The following ABCC12 variants were observed in gnomAD, a reference collection of about 807,000 sequenced individuals.
The protein encoded by ABCC12 is ATP-binding cassette sub-family C member 12.
ABCC12 carries 142 observed loss-of-function variants against 151.1 expected under a neutral mutation model. The ratio of observed to expected loss-of-function variants is 0.94; its 90% CI spans 0.82 to 1.08. ABCC12 has a LOEUF of 1.08. ABCC12 is among the 50% of genes least tolerant of loss of function. The pLI is 0.00. For synonymous variants in ABCC12, 645 were observed against 646.4 expected (o/e 1.00, Z 0.03); for missense variants, 1,638 against 1,691.1 (o/e 0.97, Z 0.55).
At chr16:48,111,183 A>C (rs1224196313) in intron 18 of ABCC12, among the ~76,000 whole-genome samples, 2 of 152,206 alleles carry the variant, frequency 1.3e-5, no homozygotes, top group Non-Finnish European at 2.9e-5. Flanking sequence ...GGTTGGTACT[A>C]CTTCCTCATT....
chr16:48,138,160 G>GT (rs2150668325), intron 8 of ABCC12, 68 bp downstream of exon 8: 1 of 1,483,296 alleles, frequency 6.7e-7, no homozygotes, highest in African/African-American at 1.4e-5. Flanking sequence ...CCTGGGAACC[G>GT]TAAGAACCCC....
At chr16:48,143,320 T>A (rs1414036709) in intron 4 of ABCC12, among the ~76,000 whole-genome samples, 1 of 152,124 alleles carries the variant, frequency 6.6e-6, no homozygotes, top group Admixed American at 6.5e-5. Context: ...CAATGAGTCC[T>A]CTCTCCCCGC....
chr16:48,152,274 T>C (rs565376509), intron 2 of ABCC12, among the ~76,000 whole-genome samples: 1 of 152,306 alleles, frequency 6.6e-6, no homozygotes, highest in East Asian at 1.9e-4. Flanking sequence ...AGTTTAAAAA[T>C]TGGCCTCTCA....
At chr16:48,132,144 T>C (rs1964447858) in intron 9 of ABCC12, among the ~76,000 whole-genome samples, 1 of 152,218 alleles carries the variant, frequency 6.6e-6, no homozygotes, top group African/African-American at 2.4e-5. Flanking sequence ...GCTTGATATG[T>C]TGCTGGAGGA....
At chr16:48,103,808 C>T (rs931935141) in intron 22 of ABCC12, among the ~76,000 whole-genome samples, 3 of 152,214 alleles carry the variant, frequency 2.0e-5, no homozygotes, top group Non-Finnish European at 4.4e-5. Flanking sequence ...TCTCTAAACA[C>T]ACCCATGGTT....
At chr16:48,122,311 T>C (rs1357202219) in intron 12 of ABCC12, among the ~76,000 whole-genome samples, 1 of 152,240 alleles carries the variant, frequency 6.6e-6, no homozygotes, top group East Asian at 1.9e-4. Flanking sequence ...CTTGACTCAG[T>C]TGCATCTTTG....
At chr16:48,135,930 A>C (rs1052764691) in intron 8 of ABCC12, among the ~76,000 whole-genome samples, 1 of 152,088 alleles carries the variant, frequency 6.6e-6, no homozygotes, top group Non-Finnish European at 1.5e-5. Flanking sequence ...TTTCATATCC[A>C]CACAGGACAG....
chr16:48,129,736 G>T (rs1964359915), intron 10 of ABCC12, among the ~76,000 whole-genome samples: 1 of 152,230 alleles, frequency 6.6e-6, no homozygotes, highest in South Asian at 2.1e-4. Context: ...GCGCTAATCA[G>T]ATGAGAGATA....
Position 48,144,047 on chromosome 16 carries a change from C to T in ABCC12, c.138G>A (p.Val46=), listed in dbSNP as rs2150678246. 1 of 1,613,956 alleles carries T rather than the reference C, an allele frequency of 6.2e-7. No homozygotes were observed. The highest frequency in any genetic ancestry group is 1.7e-4 in the Middle Eastern group (1 of 6,054). The part of the protein sequence containing the change: ...RPCARLAPNP[V]DDAGLLSFAT... ...CGAAGGAGAGTAGCCCGGCATCATC[C>T]ACCGGGTTGGGTGCTAACCTGCAGA... The change falls in exon 4 of 31, where the codon GTG becomes GTA. Residue 46 remains valine, a synonymous_variant. Transcript: ENST00000311303.
chr16:48,139,794 A>C (rs74018257), intron 6 of ABCC12, among the ~76,000 whole-genome samples: 5,021 of 152,302 alleles, frequency 0.033, 263 homozygotes, highest in African/African-American at 0.12. Flanking sequence ...TTTGTGATGA[A>C]TTCTTAAAGG....
chr16:48,093,253 C>T (rs1163929795), intron 24 of ABCC12, among the ~76,000 whole-genome samples: 1 of 152,148 alleles, frequency 6.6e-6, no homozygotes, highest in Non-Finnish European at 1.5e-5. Flanking sequence ...AATACCCCGC[C>T]CCTGGCTTAC....
At chr16:48,146,764 C>T (rs1288966797) in intron 2 of ABCC12, 1 of 240,286 alleles carries the variant, frequency 4.2e-6, no homozygotes, top group Non-Finnish European at 8.1e-6. Context: ...GGTCCAATGA[C>T]CAAGGCTGAG....
At chr16:48,094,718 C>T (rs1963031600) in intron 24 of ABCC12, among the ~76,000 whole-genome samples, 1 of 152,112 alleles carries the variant, frequency 6.6e-6, no homozygotes, top group Non-Finnish European at 1.5e-5. Context: ...CTGAATAGTC[C>T]CCTGCATAAA....
intron 11 of ABCC12, among the ~76,000 whole-genome samples, chr16:48,126,887 AT>A (rs1294975747): frequency 6.6e-6 from 1 of 152,224 alleles, no homozygotes. Flanking sequence ...GGAATAGCAC[AT>A]TAGCAAAGCC....
At chr16:48,148,051 A>C (rs1396242008) in intron 2 of ABCC12, among the ~76,000 whole-genome samples, 3 of 152,076 alleles carry the variant, frequency 2.0e-5, no homozygotes, top group African/African-American at 7.2e-5. Context: ...GGGTTCAAGC[A>C]ATTATCCAGC....
chr16:48,128,561 T>C lies in ABCC12; in HGVS notation c.1413A>G (p.Ala471=), dbSNP rs147939852. Residue 471 remains alanine (A), a synonymous_variant, in exon 11 of 31, where the codon GCA becomes GCG. Coordinates refer to ENST00000311303, the MANE Select transcript of ABCC12 (RefSeq NM_001393797.1). The part of the protein sequence containing the change: ...RHLCKKQRSE[A]YSERSPPAKG... ...TGGCTGGTGGACTCCTCTCACTGTA[T>C]GCCTCTGACCTCTGTTTCTTGCATA... is the stretch of plus-strand genomic sequence containing the variant. 7.4e-6 allele frequency: 12 copies of C among 1,614,148 alleles called. No individual in the cohort carries two copies. In the African/African-American group the frequency reaches 9.3e-5, roughly 13 times the overall value.
chr16:48,147,859 C>T (rs1044421905), intron 2 of ABCC12, among the ~76,000 whole-genome samples: 13 of 152,166 alleles, frequency 8.5e-5, no homozygotes, highest in Admixed American at 2.0e-4. Context: ...ACTGAAGACT[C>T]GTAGTCAGAT....
At chr16:48,139,626 C>A (rs1029645597) in intron 6 of ABCC12, among the ~76,000 whole-genome samples, 2 of 152,156 alleles carry the variant, frequency 1.3e-5, no homozygotes, top group Admixed American at 6.5e-5. Context: ...TCCCCCACCC[C>A]CTTCTCCCTC....
intron 20 of ABCC12, among the ~76,000 whole-genome samples, chr16:48,106,584 G>A (rs1410447585): frequency 6.6e-6 from 1 of 152,140 alleles, no homozygotes; most frequent in Non-Finnish European, 1.5e-5. Flanking sequence ...CTCTATTTCT[G>A]CACAGAGCAG....
Sources: allele counts gnomAD v4.1 joint callset (sites outside exome capture counted in the v4.1 genomes callset), GRCh38; gene constraint gnomAD v4.1.1; transcripts MANE v1.5; gene names NCBI Gene and HGNC (gene_info 2026-07-23, HGNC 2026-07-21).